The following RAD54B variants were observed in gnomAD, a reference collection of about 807,000 sequenced individuals.
RAD54B encodes the protein DNA repair and recombination protein RAD54B.
RAD54B carries 78 observed loss-of-function variants against 95.8 expected under a neutral mutation model. The observed-to-expected ratio is 0.81, with a 90% confidence interval of 0.68 to 0.98. RAD54B has a LOEUF of 0.98. Among genes scored for constraint, RAD54B ranks in the 50% least tolerant of loss-of-function variants. The probability of loss-of-function intolerance (pLI) is 0.00; values close to 1 mark genes in which losing one functional copy is unlikely to be tolerated. For missense variants in RAD54B, 957 were observed against 1,056.6 expected (o/e 0.91, Z 1.31); for synonymous variants, 328 against 354.9 (o/e 0.92, Z 0.85).
chr8:94,396,238 C>G (rs970029109), intron 8 of RAD54B, among the ~76,000 whole-genome samples: 2 of 150,196 alleles, frequency 1.3e-5, no homozygotes, highest in East Asian at 3.9e-4. Context: ...TAATTCTAGA[C>G]TAGGTAAAAC....
intron 3 of RAD54B, among the ~76,000 whole-genome samples, chr8:94,418,360 G>T (rs1187567130): frequency 6.6e-6 from 1 of 152,162 alleles, no homozygotes; most frequent in African/African-American, 2.4e-5. Flanking sequence ...ACGAAAGGTT[G>T]TATCAATGAT....
At position 94,387,054 on chromosome 8, in the gene RAD54B, T is replaced by C; in HGVS notation, c.1915A>G (p.Lys639Glu). The change falls in exon 11 of 15, where the codon AAG becomes GAG. Residue 639 changes from lysine to glutamate, a missense_variant. Lys to Glu is a moderately conservative substitution (Grantham distance 56). Transcript: ENST00000336148. The stretch of plus-strand genomic sequence containing the variant: ...AACACCTGTAGTTTTCCTGACTCCT[T>C]TTCAGTAAACAGGAGAGGGTTGTAG... Reference protein sequence around the residue: ...ADYNPLLFTEKESGKLQVLSK... With the variant: ...ADYNPLLFTEEESGKLQVLSK... The C allele has an allele frequency of 6.2e-7, 1 of 1,613,632 alleles. No individual in the cohort carries two copies. The highest frequency in any genetic ancestry group is 8.5e-7 in the Non-Finnish European group (1 of 1,179,704).
intron 3 of RAD54B, among the ~76,000 whole-genome samples, chr8:94,447,629 C>A (rs139308791): frequency 6.6e-6 from 1 of 152,128 alleles, no homozygotes; most frequent in South Asian, 2.1e-4. Flanking sequence ...TTCCTCTTCA[C>A]GATGGCAAAC....
chr8:94,439,295 G>A (rs996859701), intron 3 of RAD54B, among the ~76,000 whole-genome samples: 1 of 152,118 alleles, frequency 6.6e-6, no homozygotes, highest in Non-Finnish European at 1.5e-5. Flanking sequence ...AAATGCACAC[G>A]GGAGCAACGA....
intron 1 of RAD54B, among the ~76,000 whole-genome samples, chr8:94,473,280 T>C (rs1006487791): frequency 2.6e-5 from 4 of 152,262 alleles, no homozygotes; most frequent in South Asian, 2.1e-4. Flanking sequence ...CCAAGTAAAA[T>C]GGTAAGGCCA....
intron 11 of RAD54B, among the ~76,000 whole-genome samples, chr8:94,383,212 G>T (rs528864813): frequency 6.8e-6 from 1 of 147,974 alleles, no homozygotes; most frequent in South Asian, 2.2e-4. Flanking sequence ...TTGAACCCAG[G>T]AAGCAGAGGT....
At chr8:94,423,255 C>T (rs1007220955) in intron 3 of RAD54B, among the ~76,000 whole-genome samples, 2 of 151,986 alleles carry the variant, frequency 1.3e-5, no homozygotes, top group African/African-American at 4.8e-5. Context: ...TGGTGACAGG[C>T]GCCTGTAGTC....
intron 1 of RAD54B, among the ~76,000 whole-genome samples, chr8:94,468,287 C>T (rs1430397553): frequency 6.6e-6 from 1 of 152,106 alleles, no homozygotes; most frequent in Non-Finnish European, 1.5e-5. Flanking sequence ...ACCCATTTTT[C>T]CTCGCTTGGC....
Position 94,416,049 on chromosome 8 carries a change from A to C in RAD54B, c.305-4734T>G, listed in dbSNP as rs1295449780. On this transcript the variant is annotated intron_variant, in intron 3 of 14. Coordinates refer to ENST00000336148, the MANE Select transcript of RAD54B (RefSeq NM_012415.3). ...CCAAAGGACTATAAATCATGCTGCT[A>C]TAAAGACACATGCACACGTATGTTT... Among the ~76,000 whole-genome samples, 3 of 149,504 alleles carry C rather than the reference A, an allele frequency of 2.0e-5. No homozygotes were observed. The East Asian group carries it at 5.9e-4, about 30-fold the overall frequency.
chr8:94,375,922 A>T (rs1288562865), intron 14 of RAD54B, among the ~76,000 whole-genome samples: 1 of 151,208 alleles, frequency 6.6e-6, no homozygotes, highest in South Asian at 2.1e-4. Context: ...GTAGAGTAGG[A>T]GGTAGAGTAG....
rs191252401 is a variant in RAD54B, at chr8:94,450,617, G to A, written c.304+7651C>T. Among the ~76,000 whole-genome samples the A allele has an allele frequency of 7.2e-5, 11 of 152,184 alleles. No individual in the cohort carries two copies. In the East Asian group the frequency reaches 9.7e-4, roughly 13 times the overall value. On this transcript the variant is annotated intron_variant, in intron 3 of 14. Transcript: ENST00000336148. Reference sequence around the variant, plus strand: ...AGGATATAAAATCTCAGCCAGGCTCGTGCCTGTAATCCCACAATTTGGGAG... The same window carrying A: ...AGGATATAAAATCTCAGCCAGGCTCATGCCTGTAATCCCACAATTTGGGAG...
chr8:94,386,102 G>GT (rs1369043267), intron 11 of RAD54B, among the ~76,000 whole-genome samples: 1 of 152,162 alleles, frequency 6.6e-6, no homozygotes, highest in Admixed American at 6.5e-5. Flanking sequence ...GGGGCTGAAA[G>GT]TAAGAGGGAA....
At chr8:94,460,628 T>C (rs6991270) in intron 2 of RAD54B, among the ~76,000 whole-genome samples, 12,640 of 152,286 alleles carry the variant, frequency 0.083, 938 homozygotes, top group African/African-American at 0.18. Context: ...TTTGGTGGCA[T>C]TGAACAACAC....
chr8:94,393,998 A>T, intron 8 of RAD54B, 116 bp from the exon 9 acceptor site: 1 of 938,542 alleles, frequency 1.1e-6, no homozygotes, highest in Non-Finnish European at 1.6e-6. Context: ...AAAGGAATAA[A>T]TACAAGCAAA....
In RAD54B at chr8:94,372,096, T is replaced by G; in HGVS notation, c.*74A>C. The stretch of plus-strand genomic sequence containing the variant: ...ACTGTAATTTAAATAATTCTATTAA[T>G]TTTCAAAAAGTACATTTAATTACCA... On this transcript the variant is annotated 3_prime_UTR_variant, in exon 15 of 15. Transcript: ENST00000336148. The G allele has an allele frequency of 6.7e-7, 1 of 1,496,782 alleles. No homozygotes were observed. Among genetic ancestry groups the G allele is most frequent in the Non-Finnish European group, 8.8e-7 (1 of 1,132,274 alleles). 92.7% of individuals were successfully genotyped at this position (1,496,782 alleles called of 1,614,324 possible). A position where few individuals can be genotyped will look rare whatever the true frequency, so the allele number is the denominator to read the frequency against.
intron 3 of RAD54B, among the ~76,000 whole-genome samples, chr8:94,433,544 C>T (rs1415155784): frequency 2.0e-5 from 3 of 152,032 alleles, no homozygotes; most frequent in South Asian, 2.1e-4. Context: ...ACCAAATATG[C>T]ATTCCCAATG....
chr8:94,401,878 C>T (rs3019146), intron 6 of RAD54B, among the ~76,000 whole-genome samples: 60,643 of 151,872 alleles, frequency 0.4, 12,251 homozygotes, highest in Admixed American at 0.5. Flanking sequence ...CATCCTTTCA[C>T]GATAAAGAGA....
intron 3 of RAD54B, among the ~76,000 whole-genome samples, chr8:94,424,774 A>G (rs1484137711): frequency 1.3e-5 from 2 of 152,188 alleles, no homozygotes; most frequent in Admixed American, 1.3e-4. Context: ...TGCAAGACTC[A>G]TAAGGCAGCT....
intron 3 of RAD54B, among the ~76,000 whole-genome samples, chr8:94,433,083 G>T (rs1812157180): frequency 6.6e-6 from 1 of 152,012 alleles, no homozygotes; most frequent in African/African-American, 2.4e-5. Flanking sequence ...TGCTCTCCTG[G>T]ACTGATCTTA....
Sources: allele counts gnomAD v4.1 joint callset (sites outside exome capture counted in the v4.1 genomes callset), GRCh38; gene constraint gnomAD v4.1.1; transcripts MANE v1.5; gene names NCBI Gene and HGNC (gene_info 2026-07-23, HGNC 2026-07-21).